The following ADGRL2 variants were observed in gnomAD, a reference collection of about 807,000 sequenced individuals.
ADGRL2 encodes calcium-independent alpha-latrotoxin receptor 2.
A neutral mutation model predicts 157.4 loss-of-function variants in ADGRL2; 44 were observed. The ratio of observed to expected loss-of-function variants is 0.28; its 90% CI spans 0.22 to 0.36. ADGRL2 has a LOEUF of 0.36. ADGRL2 is among the 10% of genes least tolerant of loss of function. The pLI is 1.00. For synonymous variants in ADGRL2, 585 were observed against 624.7 expected, an observed-to-expected ratio of 0.94 and a Z score of 0.95; for missense variants, 1,510 against 1,768.9, an observed-to-expected ratio of 0.85 and a Z score of 2.63.
chr1:81,802,846 A>G (rs68134451), intron 1 of ADGRL2, among the ~76,000 whole-genome samples: 11,747 of 152,064 alleles, frequency 0.077, 562 homozygotes, highest in South Asian at 0.2. Context: ...GTCAGTGGTT[A>G]GGTGGTGTGG....
intron 1 of ADGRL2, among the ~76,000 whole-genome samples, chr1:81,391,015 A>G (rs2076540386): frequency 6.6e-6 from 1 of 152,404 alleles, no homozygotes; most frequent in South Asian, 2.1e-4. Flanking sequence ...TTTGACACTT[A>G]AAGAAGATCC....
intron 1 of ADGRL2, among the ~76,000 whole-genome samples, chr1:81,342,393 G>A (rs1279130773): frequency 1.3e-5 from 2 of 152,126 alleles, no homozygotes; most frequent in African/African-American, 4.8e-5. Context: ...ACAATTTTCT[G>A]TGCATTTTTT....
At chr1:81,586,301 A>C (rs994936740) in intron 3 of ADGRL2, 1 of 151,976 alleles carries the variant, frequency 6.6e-6, no homozygotes. Flanking sequence ...CAATTCTTCT[A>C]TTGTGCGCCC....
At chr1:81,857,988 A>G (rs2093263353) in intron 2 of ADGRL2, among the ~76,000 whole-genome samples, 1 of 152,100 alleles carries the variant, frequency 6.6e-6, no homozygotes, top group Non-Finnish European at 1.5e-5. Context: ...ATGGGAATGT[A>G]TTTTATCTCA....
intron 2 of ADGRL2, among the ~76,000 whole-genome samples, chr1:81,487,960 G>A (rs780142858): frequency 5.9e-4 from 90 of 152,148 alleles, no homozygotes; most frequent in Admixed American, 7.9e-4. Context: ...AAGGCACCCC[G>A]TCCTCCAAAT....
rs1664895746 is a variant in ADGRL2, at chr1:81,993,089, T to TATATATATATATA, written c.*1944_*1945insATATATATATATA. ...TATATATATATATATATATATATAT[T>TATATATATATATA]TTTTTTTTTTTTTTTTTTTTTTTTT... On this transcript the variant is annotated 3_prime_UTR_variant, in exon 24 of 24. Coordinates refer to ENST00000686636, the MANE Select transcript of ADGRL2 (RefSeq NM_001366006.2). Among the ~76,000 whole-genome samples, 2 of 21,430 alleles carry TATATATATATATA rather than the reference T, an allele frequency of 9.3e-5. No individual in the cohort carries two copies. The highest frequency in any genetic ancestry group is 1.6e-4 in the Non-Finnish European group (2 of 12,176). 14.1% of individuals were successfully genotyped at this position (21,430 alleles called of 152,430 possible).
chr1:81,333,406 A>ATTT (rs1557604097), intron 1 of ADGRL2, among the ~76,000 whole-genome samples: 48 of 123,512 alleles, frequency 3.9e-4, no homozygotes, highest in African/African-American at 8.0e-4. Context: ...TTAATTAATT[A>ATTT]ATTAATTTAT....
intron 3 of ADGRL2, among the ~76,000 whole-genome samples, chr1:81,643,684 T>C (rs1557530993): frequency 6.6e-6 from 1 of 152,112 alleles, no homozygotes; most frequent in Non-Finnish European, 1.5e-5. Flanking sequence ...TAGGTGTAAA[T>C]GTAACAGAAT....
At position 81,943,591 on chromosome 1, in the gene ADGRL2, T is replaced by G; in HGVS notation, c.1032T>G (p.Ile344Met). 4 of 1,613,776 alleles carry G rather than the reference T, an allele frequency of 2.5e-6. No individual in the cohort carries two copies. The highest frequency in any genetic ancestry group is 3.4e-6 in the Non-Finnish European group (4 of 1,179,744). Residue 344 changes from isoleucine to methionine, a missense_variant, in exon 6 of 24, where the codon ATT (isoleucine) becomes ATG (methionine). By Grantham distance (10) the Ile-to-Met change is conservative (BLOSUM62 1). Transcript: ENST00000686636. This position sits in a 1 kb window ranked among gnomAD's most constrained non-coding sequence, Gnocchi z 5.6. ...AAAGTGAAACAGGCAAGAACTCAATTGATTACATTTATAATACCCGATTAA... is the reference window on the plus strand; with the variant it reads ...AAAGTGAAACAGGCAAGAACTCAATGGATTACATTTATAATACCCGATTAA... ...DNESETGKNS[I>M]DYIYNTRLNR...
At chr1:81,498,139 A>G (rs1357478147) in intron 2 of ADGRL2, among the ~76,000 whole-genome samples, 1 of 152,188 alleles carries the variant, frequency 6.6e-6, no homozygotes, top group East Asian at 1.9e-4. Flanking sequence ...GGTAAAGAAG[A>G]CAGTAATGTT....
intron 21 of ADGRL2, among the ~76,000 whole-genome samples, chr1:81,986,004 T>C (rs1234390635): frequency 6.6e-6 from 1 of 152,036 alleles, no homozygotes; most frequent in African/African-American, 2.4e-5. Flanking sequence ...TACAATGAAA[T>C]ATAATGACAT....
intron 2 of ADGRL2, among the ~76,000 whole-genome samples, chr1:81,491,102 C>T (rs964896673): frequency 1.3e-5 from 2 of 152,006 alleles, no homozygotes; most frequent in Non-Finnish European, 2.9e-5. Context: ...TAAATCCCAC[C>T]CCCTTGAGAA....
At chr1:81,478,176 A>C (rs1208511411) in intron 2 of ADGRL2, among the ~76,000 whole-genome samples, 1 of 152,168 alleles carries the variant, frequency 6.6e-6, no homozygotes, top group Admixed American at 6.5e-5. Flanking sequence ...AAATAGGAGC[A>C]AGGGGCAGGA....
chr1:81,723,995 G>A lies in ADGRL2; in HGVS notation c.-143+24187G>A, dbSNP rs928777154. On this transcript the variant is annotated intron_variant, in intron 1 of 20. Transcript: ENST00000359929. ...TCCTAGTCAAAAAATGCGCAACTCC[G>A]TGTCTGCTTTCTGCTTGTTAAATTT... Among the ~76,000 whole-genome samples the A allele has an allele frequency of 4.6e-5, 7 of 152,040 alleles. No individual in the cohort carries two copies. In the South Asian group the frequency reaches 6.2e-4, roughly 14 times the overall value.
At chr1:81,907,649 A>G (rs1283918523) in intron 3 of ADGRL2, among the ~76,000 whole-genome samples, 1 of 151,776 alleles carries the variant, frequency 6.6e-6, no homozygotes, top group Non-Finnish European at 1.5e-5. Flanking sequence ...GAGCAGTTTT[A>G]GGTTCTTATT....
At chr1:81,554,393 CTG>C (rs1163629827) in intron 2 of ADGRL2, among the ~76,000 whole-genome samples, 1 of 152,154 alleles carries the variant, frequency 6.6e-6, no homozygotes, top group Non-Finnish European at 1.5e-5. Flanking sequence ...CCAGAACTGA[CTG>C]AGCTCTTGCT....
chr1:81,342,524 G>A (rs1557611287), intron 1 of ADGRL2, among the ~76,000 whole-genome samples: 1 of 152,102 alleles, frequency 6.6e-6, no homozygotes, highest in Non-Finnish European at 1.5e-5. Flanking sequence ...ATGATAGCTG[G>A]AAAAAGATTC....
intron 2 of ADGRL2, among the ~76,000 whole-genome samples, chr1:81,570,097 C>A (rs1366507539): frequency 6.6e-6 from 1 of 152,080 alleles, no homozygotes; most frequent in African/African-American, 2.4e-5. Context: ...GAAGTCACTC[C>A]AAAATTTCTG....
rs1165617022 is a variant in ADGRL2, at chr1:81,892,187, A to G, written c.74-14830A>G. Among the ~76,000 whole-genome samples the G allele has an allele frequency of 2.6e-5, 4 of 152,230 alleles. No homozygotes were observed. In the East Asian group the frequency reaches 7.7e-4, roughly 29 times the overall value. Reference sequence around the variant, plus strand: ...TTTGAAGTGATTTATCCAATGTCACAGAGCTCTTTAAGGGATAGAACAAGG... The same window carrying G: ...TTTGAAGTGATTTATCCAATGTCACGGAGCTCTTTAAGGGATAGAACAAGG... On this transcript the variant is annotated intron_variant, in intron 2 of 23. Transcript: ENST00000686636.
Sources: allele counts gnomAD v4.1 joint callset (sites outside exome capture counted in the v4.1 genomes callset), GRCh38; gene constraint gnomAD v4.1.1; non-coding constraint Gnocchi (gnomAD v3.1); transcripts MANE v1.5; gene names NCBI Gene and HGNC (gene_info 2026-07-23, HGNC 2026-07-21).